POC5: variants seen among roughly 807,000 people sequenced by gnomAD.
The protein encoded by POC5 is POC5 centriolar protein, also known as centrosomal protein POC5.
In POC5, 48 loss-of-function variants were observed where a neutral mutation model predicts 62.9. The ratio of observed to expected loss-of-function variants is 0.76; its 90% CI spans 0.61 to 0.97. The LOEUF (loss-of-function observed/expected upper bound fraction) is 0.97. Ranked by LOEUF, POC5 falls within the 50% of genes least tolerant of loss-of-function variation. POC5 has a pLI of 0.00. For missense variants in POC5, 696 were observed against 679.5 expected (o/e 1.02, Z -0.27); for synonymous variants, 236 against 228.2 (o/e 1.03, Z -0.31).
chr5:75,683,179 A>G (rs1332037372), intron 10 of POC5, among the ~76,000 whole-genome samples: 1 of 150,258 alleles, frequency 6.7e-6, no homozygotes, highest in Non-Finnish European at 1.5e-5. Context: ...GGAGCTTTAT[A>G]AAACTATACA....
chr5:75,700,643 C>G (rs1436276637), intron 5 of POC5, among the ~76,000 whole-genome samples: 94 of 149,894 alleles, frequency 6.3e-4, no homozygotes, highest in Middle Eastern at 3.4e-3. Flanking sequence ...CATTACCATT[C>G]AGGACACAGG....
At position 75,712,851 on chromosome 5, in the gene POC5, T is replaced by G. The variant is rs150060329; in HGVS notation, c.84+3A>C. 3.2e-4 allele frequency: 510 copies of G among 1,600,518 alleles called. 1 individual carries two copies. The African/African-American group carries it at 6.1e-3, about 19-fold the overall frequency. On this transcript the variant is annotated splice_donor_region_variant and intron_variant, in intron 2 of 11. Coordinates refer to ENST00000428202, the MANE Select transcript of POC5 (RefSeq NM_001099271.2). ...CATGGTAAATTTAGAAATTTTTTCC[T>G]ACCTGAAGATTCGAAGAGACAGAAC... is the stretch of plus-strand genomic sequence containing the variant.
intron 10 of POC5, among the ~76,000 whole-genome samples, chr5:75,679,076 A>G (rs993360033): frequency 2.0e-5 from 3 of 152,188 alleles, no homozygotes; most frequent in African/African-American, 7.2e-5. Context: ...AACTCATTTA[A>G]TAATTATAGA....
chr5:75,702,708 C>G lies in POC5; in HGVS notation c.410G>C (p.Ser137Thr), dbSNP rs1412455658. ...AAGTATTTCATGGGCATCTGTATGA[C>G]TAGAATTTGTTGCTGGTGAGGAAGA... ...ADSSSPATNS[S>T]HTDAHEILVS... The change falls in exon 5 of 12, where the codon AGT becomes ACT. Residue 137 changes from serine (S) to threonine (T), a missense_variant. Ser to Thr is a moderately conservative substitution (Grantham distance 58). Transcript: ENST00000428202. 6.2e-7 allele frequency: 1 copy of G among 1,610,096 alleles called. No homozygotes were observed. Among genetic ancestry groups the G allele is most frequent in the Non-Finnish European group, 8.5e-7 (1 of 1,178,050 alleles).
intron 4 of POC5, among the ~76,000 whole-genome samples, chr5:75,703,075 T>TATCC (rs1349019341): frequency 3.3e-5 from 5 of 152,224 alleles, no homozygotes; most frequent in African/African-American, 1.2e-4. Flanking sequence ...ATCCTTCATA[T>TATCC]ATCCAGGTCC....
intron 5 of POC5, among the ~76,000 whole-genome samples, chr5:75,695,210 GAAGT>G (rs1413838605): frequency 6.6e-6 from 1 of 152,180 alleles, no homozygotes; most frequent in East Asian, 1.9e-4. Context: ...TACTGACTGG[GAAGT>G]TATTTAGAAA....
chr5:75,713,581 G>C (rs978379208), intron 1 of POC5, among the ~76,000 whole-genome samples: 12 of 152,176 alleles, frequency 7.9e-5, no homozygotes, highest in African/African-American at 2.9e-4. Context: ...AGAGGGCCAG[G>C]CATGTATATT....
intron 10 of POC5, among the ~76,000 whole-genome samples, chr5:75,681,609 TATTTAA>T (rs2112083548): frequency 6.7e-6 from 1 of 149,484 alleles, no homozygotes; most frequent in East Asian, 1.9e-4. Flanking sequence ...TAAATAATTT[TATTTAA>T]ATTTAAATAA....
chr5:75,689,013 T>G lies in POC5; in HGVS notation c.1128A>C (p.Ala376=), dbSNP rs1776206860. 6.4e-7 allele frequency: 1 copy of G among 1,559,480 alleles called. No homozygotes were observed. ...AMTIFQNRND[A]GIDSTNNKKE... is the part of the protein sequence containing the mutation. ...GAGAAACTTTAATGAAATACTAACC[T>G]GCATCATTTCTGTTTTGAAATATAG... The change falls in exon 9 of 12, where the codon GCA becomes GCC. Residue 376 remains alanine (A), a splice_region_variant and synonymous_variant. Coordinates refer to ENST00000428202, the MANE Select transcript of POC5 (RefSeq NM_001099271.2).
At chr5:75,712,371 C>A in intron 2 of POC5, 1 of 1,596,340 alleles carries the variant, frequency 6.3e-7, no homozygotes, top group Non-Finnish European at 8.6e-7. Flanking sequence ...CTGTAGTTAA[C>A]TGACCCACTT....
chr5:75,689,053 T>C lies in POC5; in HGVS notation c.1088A>G (p.Asn363Ser). ...TTGAAATATAGTCATGGCTTCAAGA[T>C]TTAATGCACATACACCCCTCATGAA... Reference protein sequence around the residue: ...KAFMRGVCALNLEAMTIFQNR... With the variant: ...KAFMRGVCALSLEAMTIFQNR... Residue 363 changes from asparagine (N) to serine (S), a missense_variant, in exon 9 of 12, where the codon AAT becomes AGT. Transcript: ENST00000428202. 1.3e-6 allele frequency: 2 copies of C among 1,598,238 alleles called. No homozygotes were observed. Among genetic ancestry groups the C allele is most frequent in the Non-Finnish European group, 1.7e-6 (2 of 1,173,096 alleles).
In POC5 at chr5:75,677,954, A is replaced by C. The variant is rs1775734178; in HGVS notation, c.1408-4T>G. On this transcript the variant is annotated splice_polypyrimidine_tract_variant and splice_region_variant and intron_variant, in intron 10 of 11. Transcript: ENST00000428202. ...AGGTTACAACTCTTGGCACATACTA[A>C]GAAGAAAAAAAAATAAAAGAAGTAA... 6.6e-7 allele frequency: 1 copy of C among 1,508,208 alleles called. No individual in the cohort carries two copies. The highest frequency in any genetic ancestry group is 1.3e-5 in the South Asian group (1 of 74,124). The allele number at this position is 1,508,208 out of a possible 1,614,324, so 93.4% of individuals were successfully genotyped here.
intron 11 of POC5, among the ~76,000 whole-genome samples, chr5:75,676,754 G>A (rs1449708648): frequency 1.3e-5 from 2 of 151,700 alleles, no homozygotes; most frequent in Non-Finnish European, 2.9e-5. Flanking sequence ...CCCAGGGGGC[G>A]GAGATTGCAG....
At chr5:75,697,385 G>C (rs1050879158) in intron 5 of POC5, among the ~76,000 whole-genome samples, 68 of 146,354 alleles carry the variant, frequency 4.6e-4, no homozygotes, top group African/African-American at 1.4e-3. Flanking sequence ...AGCCAGAAGA[G>C]AGTGGGGGCC....
intron 2 of POC5, chr5:75,712,148 G>C (rs764498733): frequency 3.2e-5 from 7 of 217,010 alleles, no homozygotes; most frequent in Non-Finnish European, 5.5e-5. Flanking sequence ...TTTTCCTAAA[G>C]CTTTTCTCAT....
chr5:75,681,020 G>A (rs1580000234), intron 10 of POC5, among the ~76,000 whole-genome samples: 1 of 151,942 alleles, frequency 6.6e-6, no homozygotes, highest in African/African-American at 2.4e-5. Context: ...TTTAAAAAAT[G>A]CTATAAAAAT....
chr5:75,705,904 A>T (rs1777098178), intron 3 of POC5, 117 bp from the exon 4 acceptor site: 2 of 594,706 alleles, frequency 3.4e-6, no homozygotes, highest in Non-Finnish European at 2.8e-6. Flanking sequence ...AAAATACAAC[A>T]TGCTGGGGAT....
At chr5:75,714,477 G>A (rs202173838) in intron 1 of POC5, among the ~76,000 whole-genome samples, 2 of 152,130 alleles carry the variant, frequency 1.3e-5, no homozygotes, top group East Asian at 3.8e-4. Context: ...GATGACCTAA[G>A]TCTAGGAAGT....
intron 6 of POC5, among the ~76,000 whole-genome samples, chr5:75,693,098 A>ATGT (rs1491536312): frequency 3.5e-5 from 3 of 85,084 alleles, no homozygotes; most frequent in Non-Finnish European, 8.6e-5. Context: ...CATATATAAC[A>ATGT]TATGTCATAC....
Sources: allele counts gnomAD v4.1 joint callset (sites outside exome capture counted in the v4.1 genomes callset), GRCh38; gene constraint gnomAD v4.1.1; transcripts MANE v1.5; gene names NCBI Gene and HGNC (gene_info 2026-07-23, HGNC 2026-07-21).